The following RNF114 variants were observed in gnomAD, a reference collection of about 807,000 sequenced individuals.
RNF114 encodes the protein E3 ubiquitin-protein ligase RNF114.
Under a neutral mutation model 28.4 loss-of-function variants are expected in RNF114, and 6 were observed. The observed-to-expected ratio is 0.21, with a 90% CI of 0.12 to 0.42. The LOEUF is 0.42. RNF114 is among the 10% of genes least tolerant of loss of function. The pLI is 1.00. For missense variants in RNF114, 249 were observed against 311.7 expected (o/e 0.80, Z 1.51); for synonymous variants, 115 against 116.7 (o/e 0.99, Z 0.09).
rs577630522 is a variant in RNF114 at position 49,940,002 on chromosome 20, C to T, written c.141-1559C>T. 4.3e-5 allele frequency among the ~76,000 whole-genome samples: 6 copies of T among 138,644 alleles called. No homozygotes were observed. The South Asian group carries it at 9.3e-4, about 21-fold the overall frequency. 91.0% of individuals were successfully genotyped at this position (138,644 alleles called of 152,430 possible). ...CGGGGAGGCAGATTTTGCAGTGAGCCGAGATTGCACCATTGCACTTCAGCC... is the reference window on the plus strand; with the variant it reads ...CGGGGAGGCAGATTTTGCAGTGAGCTGAGATTGCACCATTGCACTTCAGCC... On this transcript the variant is annotated intron_variant, in intron 1 of 5. Coordinates refer to ENST00000244061, the MANE Select transcript of RNF114 (RefSeq NM_018683.4).
At chr20:49,946,920 TA>T (rs59258088) in intron 4 of RNF114, among the ~76,000 whole-genome samples, 5,829 of 146,656 alleles carry the variant, frequency 0.04, 148 homozygotes, top group East Asian at 0.096. Context: ...TAGTCTCCTT[TA>T]AAAAAAAAAA....
chr20:49,940,272 G>T (rs187800869), intron 1 of RNF114, among the ~76,000 whole-genome samples: 1 of 152,080 alleles, frequency 6.6e-6, no homozygotes, highest in East Asian at 1.9e-4. Context: ...CCCTTCCTCT[G>T]CTAGCTGACC....
At chr20:49,936,682 G>C in intron 1 of RNF114, 130 bp downstream of exon 1, 1 of 1,139,964 alleles carries the variant, frequency 8.8e-7, no homozygotes, top group Non-Finnish European at 1.2e-6. Context: ...TGTCCCCCGG[G>C]GCTCCTAAGG....
At chr20:49,938,586 G>C (rs2090296037) in intron 1 of RNF114, among the ~76,000 whole-genome samples, 1 of 152,228 alleles carries the variant, frequency 6.6e-6, no homozygotes, top group African/African-American at 2.4e-5. Context: ...GCTGGAGAAA[G>C]GCAGCTGGCT....
chr20:49,947,769 G>GTTTTTTTTT lies in RNF114; in HGVS notation c.514-1447_514-1439dup, dbSNP rs71190519. Reference sequence around the variant, plus strand: ...GTTCTGTCTTCCTCTCCCTCTGCAAGTTTTTTTTTTTTTTTTTTTTTTTTT... The same window carrying GTTTTTTTTT: ...GTTCTGTCTTCCTCTCCCTCTGCAAGTTTTTTTTTTTTTTTTTTTTTTTTTTTTTTTTTT... On this transcript the variant is annotated intron_variant, in intron 4 of 5. Coordinates refer to ENST00000244061, the MANE Select transcript of RNF114 (RefSeq NM_018683.4). Among the ~76,000 whole-genome samples, 84 of 50,474 alleles carry GTTTTTTTTT rather than the reference G, an allele frequency of 1.7e-3. 12 individuals carry two copies. The highest frequency in any genetic ancestry group is 2.0e-3 in the Non-Finnish European group (58 of 28,798). The allele number at this position is 50,474 out of a possible 152,430, so 33.1% of individuals were successfully genotyped here. A position where few individuals can be genotyped will look rare whatever the true frequency, so the allele number is the denominator to read the frequency against.
intron 2 of RNF114, among the ~76,000 whole-genome samples, chr20:49,942,615 G>A (rs986179608): frequency 1.3e-5 from 2 of 151,990 alleles, no homozygotes; most frequent in African/African-American, 4.8e-5. Flanking sequence ...TTGAGTCCAG[G>A]AGTTCTAGAC....
intron 5 of RNF114, among the ~76,000 whole-genome samples, chr20:49,950,994 A>G (rs1240009285): frequency 6.6e-6 from 1 of 152,174 alleles, no homozygotes; most frequent in African/African-American, 2.4e-5. Flanking sequence ...TACGGCTGTC[A>G]GGTTTATATT....
intron 1 of RNF114, 23 bp downstream of exon 1, chr20:49,936,575 G>T: frequency 1.3e-6 from 2 of 1,577,960 alleles, no homozygotes; most frequent in South Asian, 1.2e-5. Context: ...CCCGGGCCTG[G>T]TCGGGGGGCG....
chr20:49,952,159 T>C lies in RNF114; in HGVS notation c.*18T>C, dbSNP rs760808023. 1 of 1,608,448 alleles carries C rather than the reference T, an allele frequency of 6.2e-7. No individual in the cohort carries two copies. Among genetic ancestry groups the C allele is most frequent in the South Asian group, 1.1e-5 (1 of 90,988 alleles). On this transcript the variant is annotated 3_prime_UTR_variant, in exon 6 of 6. Coordinates refer to ENST00000244061, the MANE Select transcript of RNF114 (RefSeq NM_018683.4). ...ACCAGTGAGCAGAGTCCGTGCTTGC[T>C]ATCTGTCTCATGTTACAGAGCTTCC...
chr20:49,952,009 T>TCGGATCCAGTTG, intron 5 of RNF114, 67 bp from the exon 6 acceptor site: 1 of 1,387,896 alleles, frequency 7.2e-7, no homozygotes, highest in Non-Finnish European at 1.0e-6. Context: ...CTGTCCTGCT[T>TCGGATCCAGTTG]CTACTGAAAG....
intron 1 of RNF114, among the ~76,000 whole-genome samples, chr20:49,938,594 G>GC (rs1288540210): frequency 1.3e-5 from 2 of 152,214 alleles, no homozygotes; most frequent in Non-Finnish European, 2.9e-5. Flanking sequence ...AAGGCAGCTG[G>GC]CTGGGTGCCC....
intron 4 of RNF114, among the ~76,000 whole-genome samples, chr20:49,947,769 G>GTTTTTTTTTTTTTTTTTTTTTTTTT (rs71190519): frequency 1.2e-4 from 6 of 50,476 alleles, no homozygotes; most frequent in Admixed American, 3.0e-4. Context: ...CCCTCTGCAA[G>GTTTTTTTTTTTTTTTTTTTTTTTTT]TTTTTTTTTT....
Position 49,936,468 on chromosome 20 carries a change from CG to C in RNF114, c.58del (p.Glu20ArgfsTer5). The C allele has an allele frequency of 6.4e-7, 1 of 1,551,336 alleles. No individual in the cohort carries two copies. Among genetic ancestry groups the C allele is most frequent in the Non-Finnish European group, 8.7e-7 (1 of 1,149,788 alleles). On this transcript the variant is annotated frameshift_variant, in exon 1 of 6. Transcript: ENST00000244061. LOFTEE classifies it high-confidence loss of function. ...GCTGCGCAGCTGGCGGGGCCGGCGGCGGAGGCTGACCCCCTAGGACGCTTCA... is the reference window on the plus strand; with the variant it reads ...GCTGCGCAGCTGGCGGGGCCGGCGGCGAGGCTGACCCCCTAGGACGCTTCA... The part of the protein sequence containing the change: ...GGAAQLAGPA[A>X]EADPLGRFTC...
At chr20:49,940,223 A>T (rs1350842679) in intron 1 of RNF114, among the ~76,000 whole-genome samples, 2 of 152,036 alleles carry the variant, frequency 1.3e-5, no homozygotes, top group Non-Finnish European at 1.5e-5. Context: ...CCTCAGATAC[A>T]TATCAATTTT....
chr20:49,950,696 A>AAC (rs1555858073), intron 5 of RNF114, among the ~76,000 whole-genome samples: 5 of 151,476 alleles, frequency 3.3e-5, no homozygotes, highest in Non-Finnish European at 5.9e-5. Flanking sequence ...AAAAAAAAAA[A>AAC]AAAACAAAAC....
At position 49,946,221 on chromosome 20, in the gene RNF114, T is replaced by C. The variant is rs758842837; in HGVS notation, c.484T>C (p.Leu162=). 28 of 1,606,426 alleles carry C rather than the reference T, an allele frequency of 1.7e-5. No homozygotes were observed. Among genetic ancestry groups the C allele is most frequent in the Non-Finnish European group, 2.3e-5 (27 of 1,174,582 alleles). Residue 162 remains leucine (L), a synonymous_variant, in exon 4 of 6, where the codon TTA becomes CTA. Coordinates refer to ENST00000244061, the MANE Select transcript of RNF114 (RefSeq NM_018683.4). ...GGAAGGACTTGTGGAACACTGCAAATTATTCCATAGCACGGATACCAAATC... is the reference window on the plus strand; with the variant it reads ...GGAAGGACTTGTGGAACACTGCAAACTATTCCATAGCACGGATACCAAATC... The part of the protein sequence containing the change: ...DQEGLVEHCK[L]FHSTDTKSVV...
chr20:49,937,695 C>A (rs992578513), intron 1 of RNF114, among the ~76,000 whole-genome samples: 2 of 152,054 alleles, frequency 1.3e-5, no homozygotes, highest in Non-Finnish European at 2.9e-5. Context: ...GAACTCTTCC[C>A]CCCACCCCTC....
At position 49,947,769 on chromosome 20, in the gene RNF114, G is replaced by GTTTTTTTTTTTTT. The variant is rs71190519; in HGVS notation, c.514-1451_514-1439dup. ...GTTCTGTCTTCCTCTCCCTCTGCAA[G>GTTTTTTTTTTTTT]TTTTTTTTTTTTTTTTTTTTTTTTT... On this transcript the variant is annotated intron_variant, in intron 4 of 5. Coordinates refer to ENST00000244061, the MANE Select transcript of RNF114 (RefSeq NM_018683.4). Among the ~76,000 whole-genome samples the GTTTTTTTTTTTTT allele has an allele frequency of 7.1e-4, 36 of 50,474 alleles. 6 individuals are homozygous for GTTTTTTTTTTTTT. Among genetic ancestry groups the GTTTTTTTTTTTTT allele is most frequent in the Non-Finnish European group, 1.0e-3 (30 of 28,800 alleles). 33.1% of individuals were successfully genotyped at this position (50,474 alleles called of 152,430 possible). A position where few individuals can be genotyped will look rare whatever the true frequency, so the allele number is the denominator to read the frequency against.
At chr20:49,936,651 C>G in intron 1 of RNF114, 99 bp downstream of exon 1, 2 of 1,415,380 alleles carry the variant, frequency 1.4e-6, no homozygotes, top group Admixed American at 3.0e-5. Flanking sequence ...AGAGGACCCA[C>G]CCAGAGGGGC....
Sources: allele counts gnomAD v4.1 joint callset (sites outside exome capture counted in the v4.1 genomes callset), GRCh38; gene constraint gnomAD v4.1.1; transcripts MANE v1.5; gene names NCBI Gene and HGNC (gene_info 2026-07-23, HGNC 2026-07-21).